ZNF175: variants seen among roughly 807,000 people sequenced by gnomAD.
The protein encoded by ZNF175 is zinc finger protein 175.
A neutral mutation model predicts 14.0 loss-of-function variants in ZNF175; 8 were observed. The ratio of observed to expected loss-of-function variants is 0.57; its 90% CI spans 0.34 to 1.03. The LOEUF (loss-of-function observed/expected upper bound fraction) is 1.03, where lower values mean the gene tolerates loss of function less well. ZNF175 is among the 50% of genes least tolerant of loss of function. ZNF175 has a pLI of 0.03. For missense variants in ZNF175, 764 were observed against 849.5 expected, an observed-to-expected ratio of 0.90 and a Z score of 1.25; for synonymous variants, 255 against 296.8, an observed-to-expected ratio of 0.86 and a Z score of 1.45.
At chr19:51,583,636 C>A (rs1305903733) in intron 4 of ZNF175, among the ~76,000 whole-genome samples, 1 of 152,102 alleles carries the variant, frequency 6.6e-6, no homozygotes. Flanking sequence ...GATTTTATGA[C>A]CCCAAACATG....
Position 51,587,777 on chromosome 19 carries a change from A to G in ZNF175, c.1446A>G (p.Lys482=), listed in dbSNP as rs761621734. 4.3e-6 allele frequency: 7 copies of G among 1,614,216 alleles called. No individual in the cohort carries two copies. The Admixed American group carries it at 1.0e-4, about 23-fold the overall frequency. The stretch of plus-strand genomic sequence containing the variant: ...CTTATCAGTGCCACAACTGTGGGAA[A>G]TCCTTCATTTCCAAGTCACAGCTTG... The part of the protein sequence containing the change: ...EKPYQCHNCG[K]SFISKSQLDI... The change falls in exon 5 of 5, where the codon AAA becomes AAG. Residue 482 remains lysine, a synonymous_variant. Coordinates refer to ENST00000262259, the MANE Select transcript of ZNF175 (RefSeq NM_007147.4).
rs770088343 is a variant in ZNF175, at chr19:51,586,820, C to A, written c.489C>A (p.Asn163Lys). ...IQPMSHSAFF[N>K]KKTLNTESNC... ...CCATGAGTCACAGTGCTTTCTTCAA[C>A]AAGAAAACATTGAACACAGAAAGCA... The change falls in exon 5 of 5, where the codon AAC becomes AAA. Residue 163 changes from asparagine to lysine, a missense_variant. Transcript: ENST00000262259. The A allele has an allele frequency of 3.7e-6, 6 of 1,613,896 alleles. No homozygotes were observed. Among genetic ancestry groups the A allele is most frequent in the African/African-American group, 1.3e-5 (1 of 74,914 alleles).
intron 2 of ZNF175, among the ~76,000 whole-genome samples, chr19:51,575,280 A>T (rs1981740518): frequency 7.2e-6 from 1 of 139,500 alleles, no homozygotes; most frequent in South Asian, 2.3e-4. Flanking sequence ...GCAGTGGCGC[A>T]ATCTCTGCTC....
rs143399397 is a variant in ZNF175, at chr19:51,584,648, AAAC to A, written c.296-1975_296-1973del. On this transcript the variant is annotated intron_variant, in intron 4 of 4. Transcript: ENST00000262259. ...ATTTAAGAGTGAAAAATGAAATAGA[AAAC>A]AACCTATTTTAATAAGTGGGAAAAG... is the stretch of plus-strand genomic sequence containing the variant. Among the ~76,000 whole-genome samples the A allele has an allele frequency of 3.9e-3, 592 of 152,344 alleles. 26 individuals are homozygous for A. In the East Asian group the frequency reaches 0.078, roughly 20 times the overall value.
Position 51,588,617 on chromosome 19 carries a change from T to C in ZNF175, c.*150T>C, listed in dbSNP as rs1568578234. 2 of 827,168 alleles carry C rather than the reference T, an allele frequency of 2.4e-6. No individual in the cohort carries two copies. The highest frequency in any genetic ancestry group is 1.7e-6 in the Non-Finnish European group (1 of 578,858). The allele number at this position is 827,168 out of a possible 1,614,324, so 51.2% of individuals were successfully genotyped here. ...ATGCACTGCATGTGTGAACACATGA[T>C]AAAAAAGTCATGCTTTATTTTAGTG... is the stretch of plus-strand genomic sequence containing the variant. On this transcript the variant is annotated 3_prime_UTR_variant, in exon 5 of 5. Transcript: ENST00000262259.
In ZNF175 at chr19:51,586,991, A is replaced by G; in HGVS notation, c.660A>G (p.Thr220=). ...EVNGQNESND[T]EQLDDVVGSG... is the part of the protein sequence containing the mutation. ...ACGGTCAGAATGAAAGCAATGACACAGAACAGCTTGATGACGTTGTTGGGT... is the reference window on the plus strand; with the variant it reads ...ACGGTCAGAATGAAAGCAATGACACGGAACAGCTTGATGACGTTGTTGGGT... Residue 220 remains threonine, a synonymous_variant, in exon 5 of 5, where the codon ACA becomes ACG. Coordinates refer to ENST00000262259, the MANE Select transcript of ZNF175 (RefSeq NM_007147.4). 1.2e-6 allele frequency: 2 copies of G among 1,614,234 alleles called. No homozygotes were observed. Among genetic ancestry groups the G allele is most frequent in the Non-Finnish European group, 1.7e-6 (2 of 1,180,028 alleles).
chr19:51,572,249 G>C (rs1394475004), intron 1 of ZNF175, among the ~76,000 whole-genome samples: 3 of 152,174 alleles, frequency 2.0e-5, no homozygotes, highest in African/African-American at 7.2e-5. Context: ...GTGACTGGGA[G>C]GCATTTTGGA....
chr19:51,582,560 G>A (rs1490314637), intron 4 of ZNF175, among the ~76,000 whole-genome samples: 3 of 152,176 alleles, frequency 2.0e-5, no homozygotes, highest in African/African-American at 7.2e-5. Flanking sequence ...GCCTCCCAAA[G>A]TGCTGGAATT....
intron 4 of ZNF175, among the ~76,000 whole-genome samples, chr19:51,584,599 C>A (rs1189248059): frequency 6.6e-6 from 1 of 152,012 alleles, no homozygotes; most frequent in Non-Finnish European, 1.5e-5. Flanking sequence ...AATAAATGAC[C>A]ACCTGTATAT....
Position 51,587,327 on chromosome 19 carries a change from T to TG in ZNF175, c.996_997insG (p.Ile333AspfsTer27), listed in dbSNP as rs1390520385. 6.2e-7 allele frequency: 1 copy of TG among 1,612,984 alleles called. No homozygotes were observed. The highest frequency in any genetic ancestry group is 8.5e-7 in the Non-Finnish European group (1 of 1,179,036). On this transcript the variant is annotated frameshift_variant, in exon 5 of 5. Transcript: ENST00000262259. LOFTEE classifies it low-confidence loss of function (END_TRUNC). ...TATATCTGACAGATCATACAGGTGA[T>TG]ATACCCTGTATATGCAAGGAATGTG...
chr19:51,573,211 C>A lies in ZNF175; in HGVS notation c.-119C>A. On this transcript the variant is annotated 5_prime_UTR_variant, in exon 2 of 5. Transcript: ENST00000262259. ...AGGCTGCAGGATCTCTCTTCATAGC[C>A]CAGTACGACTCTCCGCCGTGTCCCT... The A allele has an allele frequency of 1.1e-6, 1 of 919,738 alleles. No homozygotes were observed. Among genetic ancestry groups the A allele is most frequent in the Non-Finnish European group, 1.8e-6 (1 of 563,420 alleles). 57.0% of individuals were successfully genotyped at this position (919,738 alleles called of 1,614,324 possible). A position where few individuals can be genotyped will look rare whatever the true frequency, so the allele number is the denominator to read the frequency against.
rs1460365612 is a variant in ZNF175, at chr19:51,587,188, G to C, written c.857G>C (p.Gly286Ala). 5 of 1,614,022 alleles carry C rather than the reference G, an allele frequency of 3.1e-6. No individual in the cohort carries two copies. The highest frequency in any genetic ancestry group is 4.2e-6 in the Non-Finnish European group (5 of 1,180,006). ...CCAGATGGATGTTCTGAATGTGGGG[G>C]GAGCTTCACCCAGAAGTCACACCTC... is the stretch of plus-strand genomic sequence containing the variant. ...KKPDGCSECG[G>A]SFTQKSHLFA... Residue 286 changes from glycine (G) to alanine (A), a missense_variant, in exon 5 of 5, where the codon GGG becomes GCG. Physicochemically the swap from Gly to Ala is moderately conservative, Grantham distance 60. Coordinates refer to ENST00000262259, the MANE Select transcript of ZNF175 (RefSeq NM_007147.4).
At chr19:51,581,929 C>A in intron 4 of ZNF175, 47 bp downstream of exon 4, 2 of 1,541,866 alleles carry the variant, frequency 1.3e-6, no homozygotes, top group East Asian at 2.3e-5. Context: ...TGCAGGGAAC[C>A]ATTACCAGTC....
chr19:51,577,504 C>G (rs948825981), intron 2 of ZNF175, among the ~76,000 whole-genome samples: 4 of 152,004 alleles, frequency 2.6e-5, no homozygotes, highest in Non-Finnish European at 5.9e-5. Flanking sequence ...TATGAATACT[C>G]CTTTTAATGA....
intron 4 of ZNF175, among the ~76,000 whole-genome samples, chr19:51,585,118 A>C (rs182081551): frequency 6.6e-6 from 1 of 152,368 alleles, no homozygotes; most frequent in Admixed American, 6.5e-5. Context: ...TGGTCTATAC[A>C]TACAATGAAA....
chr19:51,572,178 C>T (rs1178937042), intron 1 of ZNF175, among the ~76,000 whole-genome samples: 1 of 152,106 alleles, frequency 6.6e-6, no homozygotes, highest in Non-Finnish European at 1.5e-5. Flanking sequence ...AAATTGTGCT[C>T]GCTGGGAAAC....
chr19:51,584,268 G>A (rs1053414521), intron 4 of ZNF175, among the ~76,000 whole-genome samples: 2 of 152,108 alleles, frequency 1.3e-5, no homozygotes, highest in African/African-American at 4.8e-5. Flanking sequence ...TAATTTTAAG[G>A]GCATAGTACC....
chr19:51,578,730 G>A (rs191265869), intron 2 of ZNF175, among the ~76,000 whole-genome samples: 3 of 152,302 alleles, frequency 2.0e-5, no homozygotes, highest in Non-Finnish European at 1.5e-5. Context: ...TTGCACCACT[G>A]CATTCCATCC....
Position 51,589,242 on chromosome 19 carries a change from G to T in ZNF175, c.*775G>T. The T allele has an allele frequency of 2.8e-6, 1 of 355,574 alleles. No individual in the cohort carries two copies. Among genetic ancestry groups the T allele is most frequent in the South Asian group, 5.2e-5 (1 of 19,378 alleles). 22.0% of individuals were successfully genotyped at this position (355,574 alleles called of 1,614,324 possible). ...TATGCATATGCAGACATATGTATAT[G>T]GTCTGGTCAGCATATGTGTATGTAT... On this transcript the variant is annotated 3_prime_UTR_variant, in exon 5 of 5. Transcript: ENST00000262259.
Sources: allele counts gnomAD v4.1 joint callset (sites outside exome capture counted in the v4.1 genomes callset), GRCh38; gene constraint gnomAD v4.1.1; transcripts MANE v1.5; gene names NCBI Gene and HGNC (gene_info 2026-07-23, HGNC 2026-07-21).